TUFT1: variants seen among roughly 807,000 people sequenced by gnomAD.
The protein encoded by TUFT1 is tuftelin 1, also known as tuftelin.
TUFT1 carries 43 observed loss-of-function variants against 57.8 expected under a neutral mutation model. The observed-to-expected ratio is 0.74, with a 90% CI of 0.58 to 0.96. The LOEUF (loss-of-function observed/expected upper bound fraction) is 0.96. TUFT1 is among the 40% of genes least tolerant of loss of function. The probability of loss-of-function intolerance (pLI) is 0.00; values close to 1 mark genes in which losing one functional copy is unlikely to be tolerated. For missense variants in TUFT1, 459 were observed against 489.0 expected (o/e 0.94, Z 0.58); for synonymous variants, 166 against 176.7 (o/e 0.94, Z 0.48).
chr1:151,574,848 T>TA (rs1666400696), intron 8 of TUFT1, 63 bp from the exon 9 acceptor site: 9 of 1,430,358 alleles, frequency 6.3e-6, no homozygotes, highest in Non-Finnish European at 7.7e-6. Context: ...GCGCCCATCT[T>TA]AGCCCAAACG....
chr1:151,548,659 A>G lies in TUFT1; in HGVS notation c.60+8233A>G, dbSNP rs553299405. Among the ~76,000 whole-genome samples, 5 of 152,178 alleles carry G rather than the reference A, an allele frequency of 3.3e-5. No individual in the cohort carries two copies. The South Asian group carries it at 1.0e-3, about 32-fold the overall frequency. Reference sequence around the variant, plus strand: ...TGCTCCTCCAGCAGCTTGAGAGGCCATGTACACTTGGGGTGGGAAAGTGGG... The same window carrying G: ...TGCTCCTCCAGCAGCTTGAGAGGCCGTGTACACTTGGGGTGGGAAAGTGGG... On this transcript the variant is annotated intron_variant, in intron 1 of 12. Coordinates refer to ENST00000368849, the MANE Select transcript of TUFT1 (RefSeq NM_020127.3).
intron 1 of TUFT1, among the ~76,000 whole-genome samples, chr1:151,557,030 T>A (rs1470569954): frequency 6.6e-6 from 1 of 152,110 alleles, no homozygotes; most frequent in Non-Finnish European, 1.5e-5. Flanking sequence ...CGGTTCTGTT[T>A]TTCATTTATC....
intron 1 of TUFT1, among the ~76,000 whole-genome samples, chr1:151,555,691 C>T (rs768812429): frequency 3.4e-5 from 5 of 145,124 alleles, no homozygotes; most frequent in Admixed American, 7.2e-5. Context: ...GCAGGAGAAT[C>T]GTTTGAACCC....
chr1:151,547,094 C>T (rs1665364977), intron 1 of TUFT1, among the ~76,000 whole-genome samples: 1 of 152,152 alleles, frequency 6.6e-6, no homozygotes, highest in Admixed American at 6.5e-5. Context: ...TGAAACTTGT[C>T]CTAAACTCAG....
chr1:151,563,130 CTG>C (rs1406270612), intron 3 of TUFT1, among the ~76,000 whole-genome samples: 1 of 152,160 alleles, frequency 6.6e-6, no homozygotes, highest in East Asian at 1.9e-4. Context: ...AGCAATCGTC[CTG>C]TCTCAGCCTC....
At position 151,547,763 on chromosome 1, in the gene TUFT1, C is replaced by T. The variant is rs186324412; in HGVS notation, c.60+7337C>T. Among the ~76,000 whole-genome samples, 104 of 152,342 alleles carry T rather than the reference C, an allele frequency of 6.8e-4. 1 individual carries two copies. In the East Asian group the frequency reaches 0.014, roughly 21 times the overall value. On this transcript the variant is annotated intron_variant, in intron 1 of 12. Transcript: ENST00000368849. ...GCTAGGCAGGTGTCCTAGAGTGAGA[C>T]TGGCTTAGCAAGTGGGTGTCTCCTT... is the stretch of plus-strand genomic sequence containing the variant.
intron 5 of TUFT1, chr1:151,564,830 G>C: frequency 6.8e-6 from 3 of 442,424 alleles, no homozygotes; most frequent in Admixed American, 3.8e-5. Flanking sequence ...TTAAACATAA[G>C]TACACCTGCT....
At chr1:151,580,870 A>T in intron 11 of TUFT1, 72 bp from the exon 12 acceptor site, 1 of 1,340,790 alleles carries the variant, frequency 7.5e-7, no homozygotes, top group Non-Finnish European at 1.1e-6. Context: ...GAGAGACCAG[A>T]ATGCACTAGC....
chr1:151,549,229 G>C (rs530907270), intron 1 of TUFT1, among the ~76,000 whole-genome samples: 3 of 152,266 alleles, frequency 2.0e-5, no homozygotes, highest in African/African-American at 7.2e-5. Flanking sequence ...GGATATTTTT[G>C]GGGTGTTCCT....
At chr1:151,573,982 G>A (rs960767376) in intron 7 of TUFT1, among the ~76,000 whole-genome samples, 1 of 152,160 alleles carries the variant, frequency 6.6e-6, no homozygotes, top group Non-Finnish European at 1.5e-5. Flanking sequence ...TCATGGGGAT[G>A]TTGAAGGAGT....
At position 151,540,328 on chromosome 1, in the gene TUFT1, G is replaced by C; in HGVS notation, c.-39G>C. On this transcript the variant is annotated 5_prime_UTR_variant, in exon 1 of 13. Coordinates refer to ENST00000368849, the MANE Select transcript of TUFT1 (RefSeq NM_020127.3). ...CCGCCCAGTTGGAGCCAGACAGCGG[G>C]GTGGACAAGTGGCGTGTGTGCTGCG... The C allele has an allele frequency of 6.2e-7, 1 of 1,613,658 alleles. No homozygotes were observed. Among genetic ancestry groups the C allele is most frequent in the Non-Finnish European group, 8.5e-7 (1 of 1,179,746 alleles).
At chr1:151,540,520 C>A in intron 1 of TUFT1, 94 bp downstream of exon 1, 1 of 1,439,056 alleles carries the variant, frequency 6.9e-7, no homozygotes, top group Non-Finnish European at 9.7e-7. Flanking sequence ...GCTGACATCA[C>A]CTGGTGCCCG....
intron 1 of TUFT1, among the ~76,000 whole-genome samples, chr1:151,560,015 C>T (rs892173352): frequency 2.7e-5 from 4 of 150,074 alleles, no homozygotes; most frequent in African/African-American, 4.9e-5. Context: ...AGGCTGGTCT[C>T]GAACTCCTGA....
chr1:151,578,691 T>C (rs1232931839), intron 9 of TUFT1, 30 bp from the exon 10 acceptor site: 2 of 1,527,138 alleles, frequency 1.3e-6, no homozygotes, highest in South Asian at 1.2e-5. Context: ...TCTTGTTCCA[T>C]TGCCTCAGCC....
intron 1 of TUFT1, chr1:151,540,642 C>G (rs1424800910): frequency 1.7e-6 from 1 of 583,060 alleles, no homozygotes; most frequent in East Asian, 3.0e-5. Flanking sequence ...TTCGGGGCGT[C>G]CCTGCCCTTT....
At chr1:151,561,816 C>A (rs1451362341) in intron 1 of TUFT1, 1 of 1,436,208 alleles carries the variant, frequency 7.0e-7, no homozygotes, top group Non-Finnish European at 9.2e-7. Flanking sequence ...AGTCCAAGAA[C>A]CAGGGTAGCC....
rs1327736429 is a variant in TUFT1 at position 151,545,910 on chromosome 1, C to A, written c.60+5484C>A. ...GGCATCTTTCCTCTTCTTTTTTAGACCTCATGACCAAGGCAGCTGGTGTCC... is the reference window on the plus strand; with the variant it reads ...GGCATCTTTCCTCTTCTTTTTTAGAACTCATGACCAAGGCAGCTGGTGTCC... On this transcript the variant is annotated intron_variant, in intron 1 of 12. Coordinates refer to ENST00000368849, the MANE Select transcript of TUFT1 (RefSeq NM_020127.3). The A allele has an allele frequency of 5.7e-6, 3 of 527,426 alleles. No individual in the cohort carries two copies. The African/African-American group carries it at 5.8e-5, about 10-fold the overall frequency. The allele number at this position is 527,426 out of a possible 1,614,324, so 32.7% of individuals were successfully genotyped here.
intron 1 of TUFT1, 165 bp downstream of exon 1, chr1:151,540,591 A>G (rs1419998254): frequency 2.7e-6 from 2 of 737,978 alleles, no homozygotes; most frequent in African/African-American, 1.8e-5. Flanking sequence ...TGCGACGGGC[A>G]GTGGGAGTCG....
At chr1:151,544,088 T>A (rs1344628716) in intron 1 of TUFT1, among the ~76,000 whole-genome samples, 1 of 151,598 alleles carries the variant, frequency 6.6e-6, no homozygotes, top group Non-Finnish European at 1.5e-5. Flanking sequence ...ACTCAAGGGA[T>A]CCTTTCACCT....
Sources: gnomAD v4.1 joint callset for allele counts (sites outside exome capture counted in the v4.1 genomes callset) on GRCh38, gnomAD v4.1.1 for gene constraint, MANE v1.5 for transcripts, NCBI Gene and HGNC (gene_info 2026-07-23, HGNC 2026-07-21) for gene names.